The following LAMA4 variants were observed in gnomAD, a reference collection of about 807,000 sequenced individuals.
LAMA4 encodes laminin subunit alpha-4.
In LAMA4, 127 loss-of-function variants were observed where a neutral mutation model predicts 207.1. The ratio of observed to expected loss-of-function variants is 0.61; its 90% CI spans 0.53 to 0.71. The LOEUF (loss-of-function observed/expected upper bound fraction) is 0.71. Among genes scored for constraint, LAMA4 ranks in the 30% least tolerant of loss-of-function variants. The probability of loss-of-function intolerance (pLI) is 0.00; values close to 1 mark genes in which losing one functional copy is unlikely to be tolerated. For synonymous variants in LAMA4, 761 were observed against 816.0 expected (o/e 0.93, Z 1.15); for missense variants, 2,093 against 2,246.5 (o/e 0.93, Z 1.38).
intron 2 of LAMA4, among the ~76,000 whole-genome samples, chr6:112,249,518 C>A (rs1787275051): frequency 6.6e-6 from 1 of 150,398 alleles, no homozygotes; most frequent in African/African-American, 2.4e-5. Context: ...TTTCTATTTA[C>A]CTAATCACCT....
chr6:112,189,379 T>C (rs537721395), intron 6 of LAMA4, among the ~76,000 whole-genome samples, 174 bp from the exon 7 acceptor site: 2 of 152,296 alleles, frequency 1.3e-5, no homozygotes, highest in Admixed American at 1.3e-4. Flanking sequence ...ACGCCCTTCA[T>C]CCGATTAAGC....
At chr6:112,182,584 G>T (rs1782434615) in intron 9 of LAMA4, among the ~76,000 whole-genome samples, 1 of 152,164 alleles carries the variant, frequency 6.6e-6, no homozygotes, top group South Asian at 2.1e-4. Context: ...AGTCCTGTGG[G>T]TCTCTCTGCA....
At chr6:112,115,236 A>G (rs912675027) in intron 36 of LAMA4, among the ~76,000 whole-genome samples, 2 of 152,182 alleles carry the variant, frequency 1.3e-5, no homozygotes, top group East Asian at 3.9e-4. Flanking sequence ...CAAATAGTAA[A>G]CACCAAGTAG....
chr6:112,174,251 A>T (rs573170896), intron 11 of LAMA4, among the ~76,000 whole-genome samples: 1 of 152,190 alleles, frequency 6.6e-6, no homozygotes, highest in East Asian at 1.9e-4. Flanking sequence ...TGTGCTTTTC[A>T]TTCTTGCTCT....
chr6:112,221,958 A>G (rs1317633147), intron 2 of LAMA4, among the ~76,000 whole-genome samples: 1 of 152,244 alleles, frequency 6.6e-6, no homozygotes. Context: ...GTGTCAGTAA[A>G]AATAAAATAT....
At chr6:112,178,397 T>C in intron 9 of LAMA4, 165 bp from the exon 10 acceptor site, 1 of 641,616 alleles carries the variant, frequency 1.6e-6, no homozygotes, top group South Asian at 1.8e-5. Flanking sequence ...GCATGAAAGG[T>C]AATGTGATGG....
At chr6:112,226,501 A>G (rs782715469) in intron 2 of LAMA4, among the ~76,000 whole-genome samples, 1 of 152,202 alleles carries the variant, frequency 6.6e-6, no homozygotes. Context: ...TTTCAGACTC[A>G]GTCACTCACA....
rs368833887 is a variant in LAMA4 at position 112,139,901 on chromosome 6, A to G, written c.2977-16T>C. ...TGGTAGGGAGCTATGCAATAGAAAA[A>G]GTAAAACCACTTGTCTCATGGTCAT... On this transcript the variant is annotated splice_polypyrimidine_tract_variant and intron_variant, in intron 22 of 38. Coordinates refer to ENST00000230538, the MANE Select transcript of LAMA4 (RefSeq NM_001105206.3). 3.7e-6 allele frequency: 6 copies of G among 1,613,834 alleles called. No individual in the cohort carries two copies. The highest frequency in any genetic ancestry group is 2.7e-5 in the African/African-American group (2 of 75,056).
chr6:112,156,347 C>G (rs1315659070), intron 14 of LAMA4, among the ~76,000 whole-genome samples: 4 of 152,178 alleles, frequency 2.6e-5, no homozygotes, highest in African/African-American at 7.2e-5. Flanking sequence ...CACACTTGCA[C>G]ACAGGGGCTA....
intron 15 of LAMA4, chr6:112,155,178 C>T: frequency 1.7e-6 from 1 of 601,334 alleles, no homozygotes; most frequent in Non-Finnish European, 2.9e-6. Flanking sequence ...TAGAACAAAG[C>T]CCTGGCCAAG....
intron 12 of LAMA4, among the ~76,000 whole-genome samples, chr6:112,170,922 G>C (rs1781671472): frequency 6.6e-6 from 1 of 152,194 alleles, no homozygotes; most frequent in Admixed American, 6.5e-5. Context: ...TCCATTCCAG[G>C]CAGGTGAGAT....
intron 2 of LAMA4, among the ~76,000 whole-genome samples, chr6:112,226,331 C>A (rs1785209756): frequency 6.6e-6 from 1 of 152,194 alleles, no homozygotes; most frequent in Non-Finnish European, 1.5e-5. Context: ...TCTTTAGGAT[C>A]AACCTTGGCT....
At chr6:112,222,313 A>G (rs1784968289) in intron 2 of LAMA4, among the ~76,000 whole-genome samples, 1 of 152,188 alleles carries the variant, frequency 6.6e-6, no homozygotes, top group Non-Finnish European at 1.5e-5. Context: ...CATTCTTCGG[A>G]GGTTTATGCA....
At chr6:112,187,389 T>C in intron 8 of LAMA4, 61 bp downstream of exon 8, 5 of 1,594,012 alleles carry the variant, frequency 3.1e-6, no homozygotes, top group South Asian at 2.2e-5. Flanking sequence ...AAGGAATTAC[T>C]AGCTGCGGGC....
At position 112,158,372 on chromosome 6, in the gene LAMA4, T is replaced by C. The variant is rs9487831; in HGVS notation, c.1817+360A>G. On this transcript the variant is annotated intron_variant, in intron 14 of 38. Transcript: ENST00000230538. Reference sequence around the variant, plus strand: ...TTAGACCTTCTAAAGGGATCTGATTTATTTGACAATGTTTTATACATTGTC... The same window carrying C: ...TTAGACCTTCTAAAGGGATCTGATTCATTTGACAATGTTTTATACATTGTC... The C allele has an allele frequency of 8.2e-3, 2,328 of 284,138 alleles. 62 individuals carry two copies. The highest frequency in any genetic ancestry group is 0.049 in the African/African-American group (2,197 of 44,904). 17.6% of individuals were successfully genotyped at this position (284,138 alleles called of 1,614,324 possible).
intron 11 of LAMA4, among the ~76,000 whole-genome samples, chr6:112,174,617 C>G (rs1169386122): frequency 2.0e-5 from 3 of 152,166 alleles, no homozygotes; most frequent in African/African-American, 7.2e-5. Context: ...CTCAGCCTCC[C>G]TAGTAGCTGG....
chr6:112,185,237 C>T lies in LAMA4; in HGVS notation c.1077G>A (p.Lys359=), dbSNP rs1453952591. The T allele has an allele frequency of 6.3e-7, 1 of 1,578,456 alleles. No individual in the cohort carries two copies. The highest frequency in any genetic ancestry group is 8.7e-7 in the Non-Finnish European group (1 of 1,147,658). Residue 359 remains lysine (K), a splice_region_variant and synonymous_variant, in exon 9 of 39, where the codon AAG becomes AAA. Transcript: ENST00000230538. The part of the protein sequence containing the change: ...LLSDVEELVE[K]ENQASRKGQL... ...AGAAACTGAATACATACATACGTAC[C>T]TTTTCAACTAATTCCTCTACGTCAG... is the stretch of plus-strand genomic sequence containing the variant.
intron 13 of LAMA4, among the ~76,000 whole-genome samples, chr6:112,163,740 G>A (rs1199790218): frequency 2.0e-5 from 3 of 152,168 alleles, no homozygotes; most frequent in Admixed American, 2.0e-4. Flanking sequence ...TAGAGGGGAT[G>A]CAAGCTTTAT....
At chr6:112,177,384 T>C (rs1372024906) in intron 10 of LAMA4, among the ~76,000 whole-genome samples, 4 of 151,970 alleles carry the variant, frequency 2.6e-5, no homozygotes, top group Non-Finnish European at 5.9e-5. Context: ...TAATATATAG[T>C]ATAATAAAAA....
Sources: gnomAD v4.1 joint callset for allele counts (sites outside exome capture counted in the v4.1 genomes callset) on GRCh38, gnomAD v4.1.1 for gene constraint, MANE v1.5 for transcripts, NCBI Gene and HGNC (gene_info 2026-07-23, HGNC 2026-07-21) for gene names.